Variants in PPARGC1A observed in about 807,000 individuals in gnomAD.
PPARGC1A encodes the protein PPARG coactivator 1 alpha, also known as peroxisome proliferator-activated receptor gamma coactivator 1-alpha.
In PPARGC1A, 25 loss-of-function variants were observed where a neutral mutation model predicts 88.7. That is an observed-to-expected ratio of 0.28 (90% CI 0.21 to 0.39). PPARGC1A has a LOEUF of 0.39. Among genes scored for constraint, PPARGC1A ranks in the 10% least tolerant of loss-of-function variants. The pLI is 1.00. For synonymous variants in PPARGC1A, 363 were observed against 355.6 expected (o/e 1.02, Z -0.24); for missense variants, 880 against 968.7 (o/e 0.91, Z 1.22).
At chr4:24,356,215 A>AG in the PPARGC1A span, among the ~76,000 whole-genome samples, 903 of 151,094 alleles carry the variant, frequency 6.0e-3, 14 homozygotes, top group African/African-American at 0.021. Flanking sequence ...AAAAAAAAAA[A>AG]AAGAGAGAGA....
chr4:23,881,148 G>A (rs1349040763), intron 2 of PPARGC1A: 1 of 152,174 alleles, frequency 6.6e-6, no homozygotes, highest in Non-Finnish European at 1.5e-5. Context: ...GCAACAGAGG[G>A]AAGGAAGTTA....
the PPARGC1A span, among the ~76,000 whole-genome samples, chr4:24,420,775 G>A: frequency 3.9e-5 from 6 of 152,118 alleles, no homozygotes; most frequent in African/African-American, 1.4e-4. Context: ...GTTCCCAGAT[G>A]TCTTGGTCTG....
chr4:24,437,318 A>G, the PPARGC1A span, among the ~76,000 whole-genome samples: 3 of 152,170 alleles, frequency 2.0e-5, no homozygotes, highest in East Asian at 1.9e-4. Flanking sequence ...CCCAGTGGCC[A>G]CGTTAGCTGG....
chr4:24,424,502 C>T, the PPARGC1A span, among the ~76,000 whole-genome samples: 1 of 152,094 alleles, frequency 6.6e-6, no homozygotes, highest in South Asian at 2.1e-4. Context: ...GCCTCGATCT[C>T]CTGACCTCAT....
the PPARGC1A span, among the ~76,000 whole-genome samples, chr4:23,994,242 T>C: frequency 5.3e-5 from 8 of 152,250 alleles, no homozygotes; most frequent in African/African-American, 1.2e-4. Context: ...AGTAACCCGT[T>C]AAAGGCTCCT....
chr4:24,323,787 C>T, the PPARGC1A span, among the ~76,000 whole-genome samples: 10 of 152,332 alleles, frequency 6.6e-5, 4 homozygotes, highest in Admixed American at 6.5e-4. Flanking sequence ...GCTCTTTGCT[C>T]TGTGAGAAAG....
At chr4:24,220,420 C>T in the PPARGC1A span, among the ~76,000 whole-genome samples, 1 of 152,216 alleles carries the variant, frequency 6.6e-6, no homozygotes, top group South Asian at 2.1e-4. Context: ...GACACCTACA[C>T]TCACATGTTT....
chr4:24,329,229 C>T, the PPARGC1A span, among the ~76,000 whole-genome samples: 1 of 151,876 alleles, frequency 6.6e-6, no homozygotes, highest in Non-Finnish European at 1.5e-5. Context: ...CCAAGTTCAT[C>T]CCTCAACACC....
the PPARGC1A span, among the ~76,000 whole-genome samples, chr4:23,939,766 C>T: frequency 6.6e-6 from 1 of 152,288 alleles, no homozygotes; most frequent in African/African-American, 2.4e-5. Flanking sequence ...TAATTTAACT[C>T]TCACAACTCA....
At chr4:23,848,579 G>T (rs940769221) in intron 2 of PPARGC1A, among the ~76,000 whole-genome samples, 5 of 152,138 alleles carry the variant, frequency 3.3e-5, no homozygotes, top group Non-Finnish European at 7.4e-5. Flanking sequence ...AAAACATAAG[G>T]CTTTAGCAAT....
intron 12 of PPARGC1A, 58 bp downstream of exon 12, chr4:23,801,672 T>C (rs2109344328): frequency 6.3e-7 from 1 of 1,583,468 alleles, no homozygotes; most frequent in Admixed American, 1.7e-5. Flanking sequence ...ATTATGTTTG[T>C]TCCCATCTTG....
the PPARGC1A span, among the ~76,000 whole-genome samples, chr4:24,137,602 C>G: frequency 2.0e-5 from 3 of 152,280 alleles, no homozygotes; most frequent in Admixed American, 2.0e-4. Flanking sequence ...AAGTCACCTT[C>G]CAAAATTCAG....
chr4:24,009,133 T>TTAAAAAA, the PPARGC1A span, among the ~76,000 whole-genome samples: 1 of 74,486 alleles, frequency 1.3e-5, no homozygotes, highest in East Asian at 3.5e-4. Context: ...CCGCAGTCTA[T>TTAAAAAA]AAAAAAAAAA....
At chr4:24,429,701 G>C in the PPARGC1A span, among the ~76,000 whole-genome samples, 1 of 148,564 alleles carries the variant, frequency 6.7e-6, no homozygotes, top group Admixed American at 6.8e-5. Context: ...ACCCAGGCTG[G>C]AGTGCAGTGG....
the PPARGC1A span, among the ~76,000 whole-genome samples, chr4:24,368,815 T>C: frequency 3.9e-3 from 589 of 152,218 alleles, 6 homozygotes; most frequent in African/African-American, 0.013. Flanking sequence ...AAGAGACACA[T>C]CCATCAGGAG....
At chr4:24,356,988 T>C in the PPARGC1A span, among the ~76,000 whole-genome samples, 3 of 152,150 alleles carry the variant, frequency 2.0e-5, 1 homozygote, top group South Asian at 6.2e-4. Flanking sequence ...AAGGAATTAA[T>C]GTTCCCCATC....
chr4:24,432,412 G>A, the PPARGC1A span, among the ~76,000 whole-genome samples: 83 of 152,284 alleles, frequency 5.5e-4, no homozygotes, highest in Non-Finnish European at 9.4e-4. Context: ...GGGATTGGAA[G>A]GTAGCTAACC....
the PPARGC1A span, among the ~76,000 whole-genome samples, chr4:23,975,389 T>G: frequency 6.6e-6 from 1 of 150,744 alleles, no homozygotes; most frequent in African/African-American, 2.4e-5. Flanking sequence ...GTTTCTAGAG[T>G]CTCTTCCTGA....
At chr4:24,183,971 T>A in the PPARGC1A span, among the ~76,000 whole-genome samples, 1 of 152,228 alleles carries the variant, frequency 6.6e-6, no homozygotes, top group Admixed American at 6.5e-5. Flanking sequence ...AAAACAAAGC[T>A]GCTGAATCTT....
Sources: gnomAD v4.1 joint callset for allele counts (sites outside exome capture counted in the v4.1 genomes callset) on GRCh38, gnomAD v4.1.1 for gene constraint, MANE v1.5 for transcripts, NCBI Gene and HGNC (gene_info 2026-07-23, HGNC 2026-07-21) for gene names.